Variants in POLR2F observed in about 807,000 individuals in gnomAD.
POLR2F encodes DNA-directed RNA polymerases I, II, and III subunit RPABC2.
POLR2F carries 12 observed loss-of-function variants against 22.7 expected under a neutral mutation model. The ratio of observed to expected loss-of-function variants is 0.53; its 90% CI spans 0.34 to 0.86. The LOEUF (loss-of-function observed/expected upper bound fraction) is 0.86, where lower values mean the gene tolerates loss of function less well. Among genes scored for constraint, POLR2F ranks in the 40% least tolerant of loss-of-function variants. The pLI is 0.02. For missense variants in POLR2F, 126 were observed against 171.5 expected (o/e 0.73, Z 1.48); for synonymous variants, 57 against 66.0 (o/e 0.86, Z 0.66).
At chr22:38,002,005 C>T (rs1256644497) in intron 1 of POLR2F, among the ~76,000 whole-genome samples, 4 of 151,126 alleles carry the variant, frequency 2.6e-5, no homozygotes, top group Admixed American at 6.6e-5. Context: ...TGTAAAAATA[C>T]GAAAATACAA....
downstream of POLR2F, chr22:37,974,281 C>A: frequency 9.6e-7 from 1 of 1,038,736 alleles, no homozygotes; most frequent in Non-Finnish European, 1.4e-6. The surrounding 1 kb of genome is among the most constrained non-coding windows in gnomAD (Gnocchi z 5.4). Flanking sequence ...TTCCATGGTT[C>A]ACCTTCAGGC....
At chr22:37,993,285 A>G (rs748693494) in intron 1 of POLR2F, among the ~76,000 whole-genome samples, 6 of 152,208 alleles carry the variant, frequency 3.9e-5, no homozygotes, top group Admixed American at 1.3e-4. Context: ...GACAACGACA[A>G]TGGGACCAAG....
At chr22:37,960,924 C>G (rs892123043) in intron 3 of POLR2F, among the ~76,000 whole-genome samples, 2 of 149,886 alleles carry the variant, frequency 1.3e-5, no homozygotes, top group Non-Finnish European at 3.0e-5. Context: ...TCTCGGTTCA[C>G]TGCAATATCC....
downstream of POLR2F, among the ~76,000 whole-genome samples, chr22:37,970,120 C>T (rs1243374350): frequency 6.6e-6 from 1 of 151,628 alleles, no homozygotes; most frequent in South Asian, 2.1e-4. Flanking sequence ...AGTGAAACCC[C>T]GTCTGTACTA....
intron 1 of POLR2F, among the ~76,000 whole-genome samples, chr22:38,000,645 C>G (rs1218235850): frequency 2.0e-5 from 3 of 152,174 alleles, no homozygotes; most frequent in South Asian, 2.1e-4. Flanking sequence ...CAGGCCCCAC[C>G]CAGAGGAATA....
intron 1 of POLR2F, 41 bp from the exon 2 acceptor site, chr22:37,956,732 T>A (rs756350205): frequency 1.3e-6 from 2 of 1,534,384 alleles, no homozygotes; most frequent in African/African-American, 2.7e-5. Flanking sequence ...TTGATTCTTT[T>A]AAGTGATGCT....
At chr22:37,967,054 T>A in intron 3 of POLR2F, 45 bp from the exon 4 acceptor site, 1 of 1,449,280 alleles carries the variant, frequency 6.9e-7, no homozygotes, top group Non-Finnish European at 9.5e-7. Flanking sequence ...TGGGCCCTTC[T>A]CCCTGGGTTT....
chr22:37,977,754 A>G, intron 4 of POLR2F: 2 of 1,209,944 alleles, frequency 1.7e-6, no homozygotes, highest in Non-Finnish European at 2.3e-6. Flanking sequence ...TGCTGGGGCA[A>G]CTGCACAGCC....
At chr22:37,958,768 G>T (rs1931506055) in intron 2 of POLR2F, among the ~76,000 whole-genome samples, 1 of 152,140 alleles carries the variant, frequency 6.6e-6, no homozygotes, top group African/African-American at 2.4e-5. Context: ...CACCTGCTCT[G>T]TTTACTCTTG....
chr22:37,953,709 C>T lies in POLR2F; in HGVS notation c.-79C>T. 3 of 1,532,194 alleles carry T rather than the reference C, an allele frequency of 2.0e-6. No homozygotes were observed. Among genetic ancestry groups the T allele is most frequent in the South Asian group, 1.2e-5 (1 of 84,294 alleles). 94.9% of individuals were successfully genotyped at this position (1,532,194 alleles called of 1,614,324 possible). On this transcript the variant is annotated 5_prime_UTR_variant, in exon 1 of 5. Transcript: ENST00000442738. ...GCGCAGGCGCAAGATAAGCTAGGAG[C>T]CGCGCGAGTCGTAGTGTCGCTGTTT...
At chr22:38,034,479 C>T (rs550900332) in intron 5 of POLR2F, among the ~76,000 whole-genome samples, 10 of 152,328 alleles carry the variant, frequency 6.6e-5, no homozygotes, top group African/African-American at 1.4e-4. Flanking sequence ...GCAAAACCAG[C>T]GACCTCCTGC....
chr22:38,009,320 T>C (rs2084851681), intron 1 of POLR2F, among the ~76,000 whole-genome samples: 2 of 152,068 alleles, frequency 1.3e-5, no homozygotes, highest in East Asian at 3.9e-4. Context: ...CTGTTGAGAA[T>C]GGCCTGAGGG....
Position 37,967,978 on chromosome 22 carries a change from C to T in POLR2F, c.*263C>T, listed in dbSNP as rs1360672273. On this transcript the variant is annotated 3_prime_UTR_variant, in exon 5 of 5. Transcript: ENST00000442738. ...TCCTTCCCTCCATCTCCCTGTTCCCCAGAGCAAAGGCTGCTGCAGGGGAGA... is the reference window on the plus strand; with the variant it reads ...TCCTTCCCTCCATCTCCCTGTTCCCTAGAGCAAAGGCTGCTGCAGGGGAGA... 3.6e-6 allele frequency: 4 copies of T among 1,111,594 alleles called. No individual in the cohort carries two copies. The highest frequency in any genetic ancestry group is 4.4e-6 in the Non-Finnish European group (4 of 909,606). The allele number at this position is 1,111,594 out of a possible 1,614,324, so 68.9% of individuals were successfully genotyped here.
At chr22:37,959,857 G>A (rs1232978429) in intron 3 of POLR2F, among the ~76,000 whole-genome samples, 1 of 149,460 alleles carries the variant, frequency 6.7e-6, no homozygotes, top group Non-Finnish European at 1.5e-5. Flanking sequence ...AGGCTGGAGT[G>A]CAATGGCACA....
At chr22:37,981,128 G>A (rs1478263987) in intron 4 of POLR2F, among the ~76,000 whole-genome samples, 1 of 152,138 alleles carries the variant, frequency 6.6e-6, no homozygotes, top group Non-Finnish European at 1.5e-5. Context: ...CACTCCCTTG[G>A]GGCACTCCAC....
chr22:38,035,127 ATC>A (rs904156593), intron 5 of POLR2F, among the ~76,000 whole-genome samples: 3 of 150,984 alleles, frequency 2.0e-5, no homozygotes, highest in Admixed American at 1.3e-4. Flanking sequence ...TGCCATAGCC[ATC>A]TCTCTCTCTC....
chr22:37,957,023 T>C, intron 2 of POLR2F, 181 bp downstream of exon 2: 1 of 625,108 alleles, frequency 1.6e-6, no homozygotes, highest in Non-Finnish European at 2.9e-6. Context: ...AGGGTGGGCC[T>C]GAAAGCTTTT....
chr22:37,974,124 G>T, downstream of POLR2F: 1 of 1,612,712 alleles, frequency 6.2e-7, no homozygotes, highest in African/African-American at 1.3e-5. The surrounding 1 kb of genome is among the most constrained non-coding windows in gnomAD (Gnocchi z 5.4). Context: ...CGCCCGTCCC[G>T]CTTCGGGTCT....
At position 37,956,908 on chromosome 22, in the gene POLR2F, A is replaced by C. The variant is rs772672127; in HGVS notation, c.90+66A>C. 1.4e-5 allele frequency: 17 copies of C among 1,189,558 alleles called. No homozygotes were observed. In the South Asian group the frequency reaches 2.1e-4, roughly 14 times the overall value. The allele number at this position is 1,189,558 out of a possible 1,614,324, so 73.7% of individuals were successfully genotyped here. On this transcript the variant is annotated intron_variant, in intron 2 of 4. Transcript: ENST00000442738. ...CTGCCAAATCGTCTGACAGGTGATG[A>C]TTAGCTGAATGTGTCTGCCTTCTAT...
Sources: allele counts gnomAD v4.1 joint callset (sites outside exome capture counted in the v4.1 genomes callset), GRCh38; gene constraint gnomAD v4.1.1; non-coding constraint Gnocchi (gnomAD v3.1); transcripts MANE v1.5; gene names NCBI Gene and HGNC (gene_info 2026-07-23, HGNC 2026-07-21).